The following TRMT9B variants were observed in gnomAD, a reference collection of about 807,000 sequenced individuals.
TRMT9B encodes the protein probable tRNA methyltransferase 9B.
A neutral mutation model predicts 11.5 loss-of-function variants in TRMT9B; 16 were observed. That is an observed-to-expected ratio of 1.39 (90% CI 0.94 to 2.11). The LOEUF (loss-of-function observed/expected upper bound fraction) is 2.11, where lower values mean the gene tolerates loss of function less well. Ranked by LOEUF, TRMT9B falls within the 30% of genes most tolerant of loss-of-function variation. The pLI is 0.00. For missense variants in TRMT9B, 941 were observed against 553.8 expected (o/e 1.70, Z -7.02); for synonymous variants, 274 against 192.4 (o/e 1.42, Z -3.51).
intron 4 of TRMT9B, among the ~76,000 whole-genome samples, chr8:13,020,185 A>C (rs1813550924): frequency 6.6e-6 from 1 of 152,164 alleles, no homozygotes; most frequent in Non-Finnish European, 1.5e-5. Flanking sequence ...AGAATCTTCC[A>C]ATTTTGCTTG....
At chr8:12,953,598 C>G (rs1332960065) in intron 1 of TRMT9B, among the ~76,000 whole-genome samples, 2 of 152,128 alleles carry the variant, frequency 1.3e-5, no homozygotes, top group Admixed American at 6.6e-5. Flanking sequence ...AATGATCCAC[C>G]CACCTTGGAA....
chr8:13,011,992 C>T (rs527423627), intron 3 of TRMT9B: 27 of 985,112 alleles, frequency 2.7e-5, no homozygotes, highest in Middle Eastern at 5.2e-4. Context: ...GAATAAAAGC[C>T]GAAACATGCG....
At chr8:12,971,688 GAAAATGGATATTGCTAA>G (rs1045212461) in intron 1 of TRMT9B, among the ~76,000 whole-genome samples, 115 of 152,280 alleles carry the variant, frequency 7.6e-4, no homozygotes, top group African/African-American at 2.5e-3. Context: ...AGGGAAAGCA[GAAAATGGATATTGCTAA>G]AAATTTCAGA....
Position 12,969,846 on chromosome 8 carries a change from ATT to A in TRMT9B, c.-199-20968_-199-20967del, listed in dbSNP as rs368805990. ...ACCACCACACCCAGCTAATGTTTTAATTTTTTTTTTTTTTTTTTTTTGTAGAC... is the reference window on the plus strand; with the variant it reads ...ACCACCACACCCAGCTAATGTTTTAATTTTTTTTTTTTTTTTTTTGTAGAC... On this transcript the variant is annotated intron_variant, in intron 1 of 4. Transcript: ENST00000524591. 4.7e-3 allele frequency among the ~76,000 whole-genome samples: 585 copies of A among 124,318 alleles called. 3 individuals carry two copies. Among genetic ancestry groups the A allele is most frequent in the African/African-American group, 0.016 (544 of 33,422 alleles). The allele number at this position is 124,318 out of a possible 152,430, so 81.6% of individuals were successfully genotyped here.
chr8:12,964,997 G>A (rs777959968), intron 1 of TRMT9B, among the ~76,000 whole-genome samples: 4 of 147,134 alleles, frequency 2.7e-5, no homozygotes, highest in African/African-American at 5.5e-5. Flanking sequence ...AAAATAGTCT[G>A]GTTTATTCTG....
chr8:12,989,351 G>C (rs373768099), intron 1 of TRMT9B, among the ~76,000 whole-genome samples: 3 of 152,288 alleles, frequency 2.0e-5, no homozygotes, highest in South Asian at 4.1e-4. Context: ...TAACTTCTTG[G>C]AGAAGGTGAT....
intron 3 of TRMT9B, chr8:13,010,528 C>G: frequency 1.0e-6 from 1 of 983,822 alleles, no homozygotes. Context: ...TGTTCACATT[C>G]AAGATTTAAA....
chr8:12,966,193 C>A (rs1802799390), intron 1 of TRMT9B, among the ~76,000 whole-genome samples: 1 of 152,040 alleles, frequency 6.6e-6, no homozygotes, highest in Non-Finnish European at 1.5e-5. Flanking sequence ...AGTAGCCTGG[C>A]ATGGTGACCC....
chr8:13,021,510 G>C lies in TRMT9B; in HGVS notation c.831G>C (p.Trp277Cys), dbSNP rs1008488569. Residue 277 changes from tryptophan (W) to cysteine (C), a missense_variant, in exon 5 of 5, where the codon TGG becomes TGC. Transcript: ENST00000524591. ...GACCCTTGAAAAACACAGAAGTTTG[G>C]GCCAGTAGCACTGTAACAGTCCAGC... is the stretch of plus-strand genomic sequence containing the variant. The part of the protein sequence containing the change: ...RVRPLKNTEV[W>C]ASSTVTVQPS... 1.2e-6 allele frequency: 2 copies of C among 1,613,624 alleles called. No homozygotes were observed. Among genetic ancestry groups the C allele is most frequent in the Non-Finnish European group, 1.7e-6 (2 of 1,179,612 alleles).
At position 13,027,222 on chromosome 8, in the gene TRMT9B, G is replaced by A. The variant is rs1296379906; in HGVS notation, c.*5178G>A. The A allele has an allele frequency of 6.0e-6, 1 of 166,982 alleles. No homozygotes were observed. The highest frequency in any genetic ancestry group is 6.5e-5 in the Admixed American group (1 of 15,268). 10.3% of individuals were successfully genotyped at this position (166,982 alleles called of 1,614,324 possible). On this transcript the variant is annotated 3_prime_UTR_variant, in exon 5 of 5. Transcript: ENST00000524591. ...GGTAATGACTATCTGGCATCTTGAA[G>A]GTACCCAGAATATTAGAATTAACTG...
intron 1 of TRMT9B, among the ~76,000 whole-genome samples, chr8:12,976,449 T>C (rs1284529543): frequency 4.0e-5 from 6 of 151,846 alleles, no homozygotes; most frequent in African/African-American, 1.5e-4. Context: ...TACATTAACA[T>C]AGCATATGGG....
chr8:12,978,518 T>TGATAGATA lies in TRMT9B; in HGVS notation c.-199-12272_-199-12265dup, dbSNP rs1554517224. Among the ~76,000 whole-genome samples the TGATAGATA allele has an allele frequency of 7.2e-5, 3 of 41,808 alleles. 1 individual carries two copies. Among genetic ancestry groups the TGATAGATA allele is most frequent in the South Asian group, 1.2e-3 (2 of 1,674 alleles). 27.4% of individuals were successfully genotyped at this position (41,808 alleles called of 152,430 possible). On this transcript the variant is annotated intron_variant, in intron 1 of 4. Transcript: ENST00000524591. ...GAGAGATAGACAGATGATAGATAGATGATAGATAGATAGATAGATAGATAG... is the reference window on the plus strand; with the variant it reads ...GAGAGATAGACAGATGATAGATAGATGATAGATAGATAGATAGATAGATAGATAGATAG...
chr8:12,981,183 C>A (rs10098767), intron 1 of TRMT9B, among the ~76,000 whole-genome samples: 5 of 152,100 alleles, frequency 3.3e-5, no homozygotes, highest in Non-Finnish European at 7.4e-5. Flanking sequence ...AGTCACTCTG[C>A]GGATTCCTTT....
chr8:13,022,170 A>G lies in TRMT9B; in HGVS notation c.*126A>G. On this transcript the variant is annotated 3_prime_UTR_variant, in exon 5 of 5. Transcript: ENST00000524591. Reference sequence around the variant, plus strand: ...ATTTACGCTTTGGTCTGCAGAGACTATTAATTATTTGGTTGTTTTGTTTTC... The same window carrying G: ...ATTTACGCTTTGGTCTGCAGAGACTGTTAATTATTTGGTTGTTTTGTTTTC... 1.6e-6 allele frequency: 1 copy of G among 642,668 alleles called. No individual in the cohort carries two copies. Among genetic ancestry groups the G allele is most frequent in the Non-Finnish European group, 2.5e-6 (1 of 403,804 alleles). The allele number at this position is 642,668 out of a possible 1,614,324, so 39.8% of individuals were successfully genotyped here. A position where few individuals can be genotyped will look rare whatever the true frequency, so the allele number is the denominator to read the frequency against.
intron 2 of TRMT9B, among the ~76,000 whole-genome samples, chr8:13,004,569 A>G (rs1200817878): frequency 6.6e-6 from 1 of 152,014 alleles, no homozygotes; most frequent in East Asian, 1.9e-4. Context: ...CCTGGGCCAG[A>G]AGGCAACCTG....
At chr8:12,976,244 C>T (rs1324863972) in intron 1 of TRMT9B, among the ~76,000 whole-genome samples, 3 of 152,122 alleles carry the variant, frequency 2.0e-5, no homozygotes, top group Admixed American at 6.6e-5. Flanking sequence ...TTCCCAGCTC[C>T]GAAGATTTTC....
intron 4 of TRMT9B, among the ~76,000 whole-genome samples, chr8:13,015,209 T>C (rs1388162093): frequency 2.0e-5 from 3 of 152,152 alleles, no homozygotes; most frequent in Non-Finnish European, 4.4e-5. Flanking sequence ...ATTTTTTTAA[T>C]GATTCAAGAA....
Position 12,981,522 on chromosome 8 carries a change from A to G in TRMT9B, c.-199-9312A>G, listed in dbSNP as rs370186218. Among the ~76,000 whole-genome samples the G allele has an allele frequency of 5.3e-5, 8 of 152,192 alleles. No homozygotes were observed. In the East Asian group the frequency reaches 1.2e-3, roughly 22 times the overall value. The stretch of plus-strand genomic sequence containing the variant: ...AGCATTGGAGATTGGAGACCATTAT[A>G]TTATCTGTTTCCCCAAACTCAGTTC... On this transcript the variant is annotated intron_variant, in intron 1 of 4. Transcript: ENST00000524591.
At position 13,024,819 on chromosome 8, in the gene TRMT9B, A is replaced by G. The variant is rs796626777; in HGVS notation, c.*2775A>G. On this transcript the variant is annotated 3_prime_UTR_variant, in exon 5 of 5. Coordinates refer to ENST00000524591, the MANE Select transcript of TRMT9B (RefSeq NM_020844.3). Reference sequence around the variant, plus strand: ...TCTATGCATCCAGATATTATTTTGTATACAAATATTTAATTTGGTGATTGA... The same window carrying G: ...TCTATGCATCCAGATATTATTTTGTGTACAAATATTTAATTTGGTGATTGA... 6.0e-5 allele frequency: 10 copies of G among 167,110 alleles called. No homozygotes were observed. The highest frequency in any genetic ancestry group is 2.4e-4 in the African/African-American group (10 of 41,590). 10.4% of individuals were successfully genotyped at this position (167,110 alleles called of 1,614,324 possible).
Sources: allele counts gnomAD v4.1 joint callset (sites outside exome capture counted in the v4.1 genomes callset), GRCh38; gene constraint gnomAD v4.1.1; transcripts MANE v1.5; gene names NCBI Gene and HGNC (gene_info 2026-07-23, HGNC 2026-07-21).